The following PRKCA variants were observed in gnomAD, a reference collection of about 807,000 sequenced individuals.
The protein encoded by PRKCA is protein kinase C alpha type.
PRKCA carries 27 observed loss-of-function variants against 87.0 expected under a neutral mutation model. The ratio of observed to expected loss-of-function variants is 0.31; its 90% confidence interval spans 0.23 to 0.43. The LOEUF is 0.43. PRKCA is among the 20% of genes least tolerant of loss of function. The probability of loss-of-function intolerance (pLI) is 1.00; values close to 1 mark genes in which losing one functional copy is unlikely to be tolerated. For synonymous variants in PRKCA, 329 were observed against 311.1 expected, an observed-to-expected ratio of 1.06 and a Z score of -0.61; for missense variants, 518 against 852.3, an observed-to-expected ratio of 0.61 and a Z score of 4.88.
chr17:66,462,180 G>T (rs1011358109), intron 2 of PRKCA, among the ~76,000 whole-genome samples: 7 of 152,144 alleles, frequency 4.6e-5, no homozygotes, highest in Non-Finnish European at 2.9e-5. Context: ...GTGCTCTGCG[G>T]TTTCTGAGAT....
At chr17:66,415,222 G>A (rs1432213706) in intron 2 of PRKCA, 1 of 152,108 alleles carries the variant, frequency 6.6e-6, no homozygotes, top group Non-Finnish European at 1.5e-5. Context: ...AACTATGATT[G>A]AGCTAAAAGA....
intron 2 of PRKCA, among the ~76,000 whole-genome samples, chr17:66,492,314 G>A (rs1916282239): frequency 6.6e-6 from 1 of 152,160 alleles, no homozygotes; most frequent in South Asian, 2.1e-4. Flanking sequence ...GAGGGCCCGG[G>A]TCTTCTTAGG....
chr17:66,489,554 G>T (rs910704972), intron 2 of PRKCA, among the ~76,000 whole-genome samples: 4 of 151,686 alleles, frequency 2.6e-5, no homozygotes, highest in Non-Finnish European at 5.9e-5. Context: ...TGACAACTAT[G>T]TGCTCAAGCG....
intron 3 of PRKCA, among the ~76,000 whole-genome samples, chr17:66,619,891 G>A (rs974612460): frequency 7.6e-6 from 1 of 131,346 alleles, no homozygotes; most frequent in Non-Finnish European, 1.7e-5. Context: ...TAATCACCTC[G>A]TTGAGGTTAT....
chr17:66,686,629 G>T (rs1272589456), intron 5 of PRKCA, among the ~76,000 whole-genome samples: 1 of 152,152 alleles, frequency 6.6e-6, no homozygotes, highest in Non-Finnish European at 1.5e-5. Context: ...AGAGTTGGAA[G>T]CCATTGGCCT....
intron 3 of PRKCA, among the ~76,000 whole-genome samples, chr17:66,621,062 A>G (rs560659326): frequency 6.6e-6 from 1 of 152,322 alleles, no homozygotes; most frequent in African/African-American, 2.4e-5. Context: ...AACTCCTAAT[A>G]GTCTCCCTAA....
intron 13 of PRKCA, among the ~76,000 whole-genome samples, chr17:66,752,022 TTACATTTCAACA>T (rs1310633656): frequency 6.6e-6 from 1 of 152,206 alleles, no homozygotes; most frequent in East Asian, 1.9e-4. Context: ...GCACTGGGGA[TTACATTTCAACA>T]TGAAATGTGG....
At chr17:66,379,752 C>T (rs1443786175) in intron 2 of PRKCA, among the ~76,000 whole-genome samples, 9 of 152,078 alleles carry the variant, frequency 5.9e-5, no homozygotes, top group Non-Finnish European at 1.2e-4. Flanking sequence ...TTTGGGAGGT[C>T]GGTCACTTAT....
At chr17:66,623,350 AC>A (rs1228246589) in intron 3 of PRKCA, among the ~76,000 whole-genome samples, 1 of 152,116 alleles carries the variant, frequency 6.6e-6, no homozygotes, top group African/African-American at 2.4e-5. Flanking sequence ...TTGTTTAGAG[AC>A]CTTGGAAGCC....
At chr17:66,522,306 T>C (rs1265534128) in intron 3 of PRKCA, among the ~76,000 whole-genome samples, 1 of 152,216 alleles carries the variant, frequency 6.6e-6, no homozygotes, top group Non-Finnish European at 1.5e-5. Context: ...ATGCCCACTT[T>C]TTTTTCACTT....
chr17:66,760,999 T>C (rs2144295359), intron 13 of PRKCA, among the ~76,000 whole-genome samples: 1 of 152,316 alleles, frequency 6.6e-6, no homozygotes, highest in African/African-American at 2.4e-5. Flanking sequence ...TTAAAGCACT[T>C]TCATTGGTGT....
intron 9 of PRKCA, 41 bp downstream of exon 9, chr17:66,732,866 G>C (rs1973937633): frequency 1.9e-6 from 3 of 1,592,118 alleles, no homozygotes; most frequent in Non-Finnish European, 2.6e-6. Context: ...GGCTTCTGCA[G>C]AGAATGTCGA....
intron 16 of PRKCA, among the ~76,000 whole-genome samples, chr17:66,799,261 G>GAT (rs1975806265): frequency 6.7e-6 from 1 of 149,684 alleles, no homozygotes. Context: ...TGGTGGTGGT[G>GAT]GTGGTGGTGG....
chr17:66,450,629 G>T (rs1914259534), intron 2 of PRKCA, among the ~76,000 whole-genome samples: 1 of 152,146 alleles, frequency 6.6e-6, no homozygotes, highest in Admixed American at 6.5e-5. Flanking sequence ...TTCTCTTGTG[G>T]ATTAGTTATT....
At chr17:66,351,944 C>A (rs949001682) in intron 2 of PRKCA, among the ~76,000 whole-genome samples, 1 of 152,136 alleles carries the variant, frequency 6.6e-6, no homozygotes, top group Non-Finnish European at 1.5e-5. Context: ...GGGCTTCCTC[C>A]ACTTCCCTGC....
chr17:66,608,745 A>C (rs1310741751), intron 3 of PRKCA, among the ~76,000 whole-genome samples: 1 of 152,200 alleles, frequency 6.6e-6, no homozygotes, highest in East Asian at 1.9e-4. Flanking sequence ...GGGAAGGAGG[A>C]GGGAAGAGCG....
chr17:66,554,057 C>T (rs983307522), intron 3 of PRKCA, among the ~76,000 whole-genome samples: 2 of 151,998 alleles, frequency 1.3e-5, no homozygotes, highest in Non-Finnish European at 2.9e-5. Flanking sequence ...AACTGGGCAC[C>T]AGACATTGGC....
At chr17:66,779,320 T>C (rs1377772571) in intron 14 of PRKCA, among the ~76,000 whole-genome samples, 3 of 152,054 alleles carry the variant, frequency 2.0e-5, no homozygotes, top group Non-Finnish European at 4.4e-5. Flanking sequence ...TCAGTCTTTA[T>C]TCAGTTCCTG....
At chr17:66,399,100 C>CTTTTCTTTTCTTT (rs1555598364) in intron 2 of PRKCA, among the ~76,000 whole-genome samples, 4 of 117,288 alleles carry the variant, frequency 3.4e-5, no homozygotes, top group East Asian at 2.3e-4. Flanking sequence ...CTTTTCTTTT[C>CTTTTCTTTTCTTT]TTTTTTTTTT....
Sources: gnomAD v4.1 joint callset for allele counts (sites outside exome capture counted in the v4.1 genomes callset) on GRCh38, gnomAD v4.1.1 for gene constraint, MANE v1.5 for transcripts, NCBI Gene and HGNC (gene_info 2026-07-23, HGNC 2026-07-21) for gene names.